Variants in STAU1 observed in about 807,000 individuals in gnomAD.
STAU1 encodes double-stranded RNA-binding protein Staufen homolog 1.
Under a neutral mutation model 62.9 loss-of-function variants are expected in STAU1, and 13 were observed. The ratio of observed to expected loss-of-function variants is 0.21; its 90% CI spans 0.13 to 0.33. The LOEUF (loss-of-function observed/expected upper bound fraction) is 0.33, where lower values mean the gene tolerates loss of function less well. STAU1 is among the 10% of genes least tolerant of loss of function. The pLI is 1.00. For synonymous variants in STAU1, 269 were observed against 265.1 expected (o/e 1.01, Z -0.14); for missense variants, 571 against 712.1 (o/e 0.80, Z 2.25).
chr20:49,122,496 G>A (rs926692127), intron 8 of STAU1, among the ~76,000 whole-genome samples: 1 of 152,138 alleles, frequency 6.6e-6, no homozygotes, highest in Non-Finnish European at 1.5e-5. Context: ...CAGTAGTGCT[G>A]GTGTGCAGAC....
At chr20:49,203,393 T>C in the STAU1 span, among the ~76,000 whole-genome samples, 7 of 152,022 alleles carry the variant, frequency 4.6e-5, no homozygotes, top group Non-Finnish European at 1.0e-4. Context: ...AGAGAAAATC[T>C]GTGAAACCAA....
At chr20:49,202,574 A>AAAAT in the STAU1 span, among the ~76,000 whole-genome samples, 41 of 151,784 alleles carry the variant, frequency 2.7e-4, no homozygotes, top group African/African-American at 4.8e-4. Flanking sequence ...AAAAAACTAA[A>AAAAT]AAATAAATAA....
intron 8 of STAU1, among the ~76,000 whole-genome samples, chr20:49,122,789 T>G (rs371701142): frequency 5.9e-5 from 9 of 152,136 alleles, no homozygotes; most frequent in African/African-American, 2.2e-4. Context: ...TGGTGGCACG[T>G]GCCTGTAATC....
Position 49,145,414 on chromosome 20 carries a change from A to C in STAU1, c.510+6168T>G, listed in dbSNP as rs1323860068. Among the ~76,000 whole-genome samples the C allele has an allele frequency of 6.3e-5, 6 of 95,566 alleles. No homozygotes were observed. In the East Asian group the frequency reaches 1.4e-3, roughly 22 times the overall value. The allele number at this position is 95,566 out of a possible 152,430, so 62.7% of individuals were successfully genotyped here. A position where few individuals can be genotyped will look rare whatever the true frequency, so the allele number is the denominator to read the frequency against. On this transcript the variant is annotated intron_variant, in intron 5 of 13. Transcript: ENST00000371856. Reference sequence around the variant, plus strand: ...ACTCCAGCCTGGGCAACAAAGCGAGACTCCGTCTCAAAAAAAAAAAAAAAA... The same window carrying C: ...ACTCCAGCCTGGGCAACAAAGCGAGCCTCCGTCTCAAAAAAAAAAAAAAAA...
At chr20:49,216,519 C>T in the STAU1 span, among the ~76,000 whole-genome samples, 1 of 150,620 alleles carries the variant, frequency 6.6e-6, no homozygotes, top group East Asian at 1.9e-4. Flanking sequence ...CAAAGTGAGA[C>T]TCATCTCAAA....
intron 3 of STAU1, among the ~76,000 whole-genome samples, chr20:49,155,244 C>T (rs1010440853): frequency 1.3e-5 from 2 of 152,178 alleles, no homozygotes; most frequent in Non-Finnish European, 2.9e-5. Flanking sequence ...ACAAGGCCCA[C>T]AAAATATTCA....
chr20:49,131,414 GTTAT>G (rs1213471146), intron 6 of STAU1, among the ~76,000 whole-genome samples: 1 of 152,290 alleles, frequency 6.6e-6, no homozygotes, highest in Non-Finnish European at 1.5e-5. Context: ...ATAGATTGTG[GTTAT>G]TTAAGAGAAT....
chr20:49,132,110 G>A (rs1424289678), intron 6 of STAU1, among the ~76,000 whole-genome samples: 1 of 151,986 alleles, frequency 6.6e-6, no homozygotes, highest in East Asian at 1.9e-4. Context: ...GAGCAGAGGT[G>A]TGGGAAGGAC....
chr20:49,208,651 G>GT, the STAU1 span, among the ~76,000 whole-genome samples: 1 of 148,430 alleles, frequency 6.7e-6, no homozygotes, highest in Admixed American at 6.8e-5. Context: ...ACAGAGTCTC[G>GT]CTCTGTCGCC....
chr20:49,179,655 T>C (rs1568939436), intron 1 of STAU1, among the ~76,000 whole-genome samples: 1 of 152,252 alleles, frequency 6.6e-6, no homozygotes, highest in Admixed American at 6.5e-5. Flanking sequence ...ATGGCCCTAT[T>C]TGAATCAGGG....
chr20:49,159,997 C>G (rs2093423994), intron 3 of STAU1, among the ~76,000 whole-genome samples: 1 of 152,228 alleles, frequency 6.6e-6, no homozygotes, highest in Admixed American at 6.5e-5. Context: ...AATCCTGCCT[C>G]AGCTACCCAA....
chr20:49,190,330 C>A (rs906517596), upstream of STAU1, among the ~76,000 whole-genome samples: 7 of 152,118 alleles, frequency 4.6e-5, no homozygotes, highest in Non-Finnish European at 1.0e-4. Flanking sequence ...TGTCACCTAA[C>A]TAGAGTGCAG....
At chr20:49,137,257 C>A (rs1041063527) in intron 5 of STAU1, among the ~76,000 whole-genome samples, 2 of 151,950 alleles carry the variant, frequency 1.3e-5, no homozygotes, top group Non-Finnish European at 2.9e-5. Flanking sequence ...CGGCTGTTGG[C>A]AAAAAAATAC....
chr20:49,121,334 G>A (rs1213276616), intron 8 of STAU1, among the ~76,000 whole-genome samples: 1 of 151,708 alleles, frequency 6.6e-6, no homozygotes, highest in Non-Finnish European at 1.5e-5. Flanking sequence ...CTTGAACCTG[G>A]GAGGCAGAGG....
chr20:49,210,803 A>G, the STAU1 span, among the ~76,000 whole-genome samples: 1 of 152,204 alleles, frequency 6.6e-6, no homozygotes, highest in Non-Finnish European at 1.5e-5. Flanking sequence ...TTATATATTG[A>G]AGTGAATTCA....
At chr20:49,204,646 A>ATTTTT in the STAU1 span, among the ~76,000 whole-genome samples, 8 of 32,164 alleles carry the variant, frequency 2.5e-4, no homozygotes, top group South Asian at 1.7e-3. Context: ...ATATATATAT[A>ATTTTT]TTTTTTTTTT....
At chr20:49,114,919 C>T in intron 13 of STAU1, 26 bp from the exon 14 acceptor site, 1 of 1,611,144 alleles carries the variant, frequency 6.2e-7, no homozygotes, top group African/African-American at 1.3e-5. Flanking sequence ...ATGAAAATGA[C>T]ACTAGTTTTG....
In STAU1 at chr20:49,118,386, T is replaced by C. The variant is rs769973100; in HGVS notation, c.1136A>G (p.Asp379Gly). 14 of 1,612,628 alleles carry C rather than the reference T, an allele frequency of 8.7e-6. No individual in the cohort carries two copies. Among genetic ancestry groups the C allele is most frequent in the Non-Finnish European group, 1.1e-5 (13 of 1,179,588 alleles). ...TTCAAAAAAGGTTACTTTTCTTCCA[T>C]CCCCTGGTTTCTTTATGGGTGTCTT... ...EEKTPIKKPG[D>G]GRKVTFFEPG... Residue 379 changes from aspartate to glycine, a missense_variant, in exon 10 of 14, where the codon GAT becomes GGT. This residue lies in a region of STAU1 where 414 missense variants were observed against 499.6 expected (regional missense o/e 0.83). Coordinates refer to ENST00000371856, the MANE Select transcript of STAU1 (RefSeq NM_017453.4).
upstream of STAU1, among the ~76,000 whole-genome samples, chr20:49,189,619 C>CAAAA (rs71186430): frequency 4.0e-4 from 22 of 55,274 alleles, no homozygotes; most frequent in East Asian, 6.2e-4. Context: ...GACTCTGTCT[C>CAAAA]AAAAAAAAAA....
Sources: allele counts gnomAD v4.1 joint callset (sites outside exome capture counted in the v4.1 genomes callset), GRCh38; gene constraint gnomAD v4.1.1; regional missense constraint gnomAD v4.1.1; transcripts MANE v1.5; gene names NCBI Gene and HGNC (gene_info 2026-07-23, HGNC 2026-07-21).